MAML3: variants seen among roughly 807,000 people sequenced by gnomAD.
The protein encoded by MAML3 is mastermind-like protein 3.
MAML3 carries 27 observed loss-of-function variants against 101.9 expected under a neutral mutation model. That is an observed-to-expected ratio of 0.27 (90% confidence interval 0.20 to 0.37). The LOEUF is 0.37. Ranked by LOEUF, MAML3 falls within the 10% of genes least tolerant of loss-of-function variation. The pLI is 1.00. For missense variants in MAML3, 1,316 were observed against 1,444.9 expected (o/e 0.91, Z 1.45); for synonymous variants, 501 against 555.9 (o/e 0.90, Z 1.39).
At chr4:140,041,201 T>A (rs1727080172) in intron 1 of MAML3, among the ~76,000 whole-genome samples, 1 of 151,956 alleles carries the variant, frequency 6.6e-6, no homozygotes, top group African/African-American at 2.4e-5. Context: ...ATTCTGTGAG[T>A]GGGTCTTGAA....
intron 1 of MAML3, among the ~76,000 whole-genome samples, chr4:139,980,330 C>A (rs1734422521): frequency 2.0e-5 from 3 of 152,146 alleles, no homozygotes; most frequent in Admixed American, 6.5e-5. Context: ...CTTCCCCCAC[C>A]CTCTGCATAC....
At chr4:140,145,878 C>CTTTT (rs10625860) in intron 1 of MAML3, among the ~76,000 whole-genome samples, 4,774 of 108,424 alleles carry the variant, frequency 0.044, 464 homozygotes, top group African/African-American at 0.16. Flanking sequence ...TTTCTTTTTT[C>CTTTT]TTTTTTTTTT....
chr4:139,724,587 A>G (rs771363110), intron 4 of MAML3, among the ~76,000 whole-genome samples: 4 of 152,152 alleles, frequency 2.6e-5, no homozygotes, highest in Non-Finnish European at 5.9e-5. Flanking sequence ...CTTTTTGCAG[A>G]CACTTAAAGG....
intron 1 of MAML3, among the ~76,000 whole-genome samples, chr4:139,923,894 G>A (rs1033897126): frequency 4.6e-5 from 7 of 152,230 alleles, no homozygotes; most frequent in Admixed American, 1.3e-4. Context: ...TGCAAAAGAT[G>A]ATAGACCAAT....
chr4:139,859,486 C>T (rs560541251), intron 2 of MAML3, among the ~76,000 whole-genome samples: 10 of 151,956 alleles, frequency 6.6e-5, no homozygotes, highest in African/African-American at 1.4e-4. Flanking sequence ...GGATTACAGG[C>T]GTGAGCCATC....
intron 2 of MAML3, among the ~76,000 whole-genome samples, chr4:139,744,994 T>C (rs138137948): frequency 2.6e-5 from 4 of 152,256 alleles, no homozygotes; most frequent in African/African-American, 7.2e-5. Flanking sequence ...CTTTATGAAA[T>C]GAGGAAGCCA....
chr4:139,761,510 A>C (rs1166177415), intron 2 of MAML3, among the ~76,000 whole-genome samples: 1 of 152,126 alleles, frequency 6.6e-6, no homozygotes, highest in Admixed American at 6.6e-5. Context: ...ATTAATGATG[A>C]TTAGATAGGA....
chr4:139,882,515 G>C (rs991198790), intron 2 of MAML3, among the ~76,000 whole-genome samples: 1 of 152,084 alleles, frequency 6.6e-6, no homozygotes, highest in African/African-American at 2.4e-5. Flanking sequence ...GGACCATGAA[G>C]AAATGCCTTT....
chr4:140,068,884 C>T (rs1033836626), intron 1 of MAML3, among the ~76,000 whole-genome samples: 1 of 152,114 alleles, frequency 6.6e-6, no homozygotes, highest in Admixed American at 6.5e-5. Context: ...TAATTAGGAC[C>T]CACTACCCTC....
intron 1 of MAML3, among the ~76,000 whole-genome samples, chr4:140,005,061 T>G (rs1033337438): frequency 3.9e-5 from 6 of 152,204 alleles, no homozygotes; most frequent in Non-Finnish European, 5.9e-5. Flanking sequence ...TTTGGTTAAG[T>G]GTGCTGGGGT....
At chr4:140,072,017 A>C (rs948427042) in intron 1 of MAML3, among the ~76,000 whole-genome samples, 9 of 152,334 alleles carry the variant, frequency 5.9e-5, no homozygotes, top group African/African-American at 2.2e-4. Flanking sequence ...GTTGTGATCC[A>C]AAAAGCAACC....
intron 2 of MAML3, among the ~76,000 whole-genome samples, chr4:139,870,854 C>T (rs1731994635): frequency 6.6e-6 from 1 of 152,104 alleles, no homozygotes. Context: ...TATGAAGAAA[C>T]TTATACAAGC....
At chr4:140,109,555 C>T (rs565576729) in intron 1 of MAML3, among the ~76,000 whole-genome samples, 3 of 152,264 alleles carry the variant, frequency 2.0e-5, no homozygotes, top group South Asian at 4.1e-4. Context: ...CAGACAGCCA[C>T]GCAACACCCA....
At chr4:139,857,223 TGAG>T (rs1160125613) in intron 2 of MAML3, among the ~76,000 whole-genome samples, 1 of 152,162 alleles carries the variant, frequency 6.6e-6, no homozygotes, top group African/African-American at 2.4e-5. Context: ...AGCTGTCTGT[TGAG>T]CCACTCTTTA....
chr4:139,894,516 AAAGAAAG>A (rs1394284287), intron 1 of MAML3, among the ~76,000 whole-genome samples: 1 of 63,596 alleles, frequency 1.6e-5, no homozygotes, highest in Non-Finnish European at 3.5e-5. Context: ...CTTAAAAAAG[AAAGAAAG>A]AAAGAAAGAA....
rs760336202 is a variant in MAML3 at position 140,153,356 on chromosome 4, G to T, written c.-29C>A. On this transcript the variant is annotated 5_prime_UTR_variant, in exon 1 of 5. Coordinates refer to ENST00000509479, the MANE Select transcript of MAML3 (RefSeq NM_018717.5). ...GCTCCCCGGGCACACTATTTTGGAA[G>T]AACTTTTTTTATCCACCCCCCTATC... 6.5e-7 allele frequency: 1 copy of T among 1,537,502 alleles called. No individual in the cohort carries two copies. Among genetic ancestry groups the T allele is most frequent in the East Asian group, 2.3e-5 (1 of 43,926 alleles).
chr4:139,946,925 A>ACTCTCT (rs869076388), intron 1 of MAML3, among the ~76,000 whole-genome samples: 3 of 68,132 alleles, frequency 4.4e-5, no homozygotes, highest in African/African-American at 1.3e-4. Flanking sequence ...ACACACACAC[A>ACTCTCT]CTCTCTCTCT....
In MAML3 at chr4:139,864,923, CTTTTTT is replaced by C. The variant is rs56361332; in HGVS notation, c.2079+24428_2079+24433del. Among the ~76,000 whole-genome samples the C allele has an allele frequency of 5.1e-4, 32 of 62,468 alleles. 3 individuals are homozygous for C. Among genetic ancestry groups the C allele is most frequent in the African/African-American group, 1.3e-3 (23 of 17,070 alleles). 41.0% of individuals were successfully genotyped at this position (62,468 alleles called of 152,430 possible). On this transcript the variant is annotated intron_variant, in intron 2 of 4. Coordinates refer to ENST00000509479, the MANE Select transcript of MAML3 (RefSeq NM_018717.5). ...TTAGGAAAATAGTAATGCAAACTTG[CTTTTTT>C]TTTTTTTTTTTTTTTTTTTTTTTTG... is the stretch of plus-strand genomic sequence containing the variant.
At chr4:139,772,684 AT>A (rs1393868095) in intron 2 of MAML3, among the ~76,000 whole-genome samples, 3 of 152,108 alleles carry the variant, frequency 2.0e-5, no homozygotes, top group African/African-American at 7.2e-5. Flanking sequence ...AACTTGTATT[AT>A]AGCAAGCATC....
Sources: allele counts gnomAD v4.1 joint callset (sites outside exome capture counted in the v4.1 genomes callset), GRCh38; gene constraint gnomAD v4.1.1; transcripts MANE v1.5; gene names NCBI Gene and HGNC (gene_info 2026-07-23, HGNC 2026-07-21).